The following KLRD1 variants were observed in gnomAD, a reference collection of about 807,000 sequenced individuals.
The protein encoded by KLRD1 is killer cell lectin like receptor D1.
Under a neutral mutation model 22.6 loss-of-function variants are expected in KLRD1, and 21 were observed. The observed-to-expected ratio is 0.93, with a 90% CI of 0.66 to 1.34. KLRD1 has a LOEUF of 1.34. Ranked by LOEUF, KLRD1 falls within the 40% of genes most tolerant of loss-of-function variation. KLRD1 has a pLI of 0.00. For synonymous variants in KLRD1, 59 were observed against 71.1 expected, an observed-to-expected ratio of 0.83 and a Z score of 0.85; for missense variants, 183 against 208.6, an observed-to-expected ratio of 0.88 and a Z score of 0.76.
intron 1 of KLRD1, among the ~76,000 whole-genome samples, chr12:10,246,356 A>C (rs1251860660): frequency 6.8e-6 from 1 of 146,496 alleles, no homozygotes; most frequent in Non-Finnish European, 1.5e-5. Context: ...CTACATTTTT[A>C]AGGAACTCAG....
rs372207930 is a variant in KLRD1, at chr12:10,263,022, C to A, written c.-101+36789C>A. Among the ~76,000 whole-genome samples the A allele has an allele frequency of 2.0e-5, 3 of 152,134 alleles. No individual in the cohort carries two copies. In the East Asian group the frequency reaches 5.8e-4, roughly 29 times the overall value. ...CTATTTTTGCAGCAAACACCTTAGA[C>A]GTAGTGTACGTCTAATCAGTCACAA... On this transcript the variant is annotated intron_variant, in intron 1 of 5. Transcript: ENST00000544747.
chr12:10,256,940 A>G (rs1949401725), intron 1 of KLRD1, among the ~76,000 whole-genome samples: 1 of 151,644 alleles, frequency 6.6e-6, no homozygotes, highest in African/African-American at 2.4e-5. Flanking sequence ...CTTTAATTTC[A>G]CCCTCATTTT....
chr12:10,284,021 CAAAA>C (rs10706142), intron 1 of KLRD1, among the ~76,000 whole-genome samples: 13 of 129,372 alleles, frequency 1.0e-4, no homozygotes, highest in East Asian at 4.4e-4. Flanking sequence ...ATTAAAAATA[CAAAA>C]AAAAAAAAAA....
chr12:10,254,546 G>C (rs2927559), intron 1 of KLRD1, among the ~76,000 whole-genome samples: 1 of 151,152 alleles, frequency 6.6e-6, no homozygotes, highest in Non-Finnish European at 1.5e-5. Flanking sequence ...CCAGCATCTC[G>C]AAGGAACTTA....
Position 10,314,845 on chromosome 12 carries a change from A to G in KLRD1, c.*52A>G, listed in dbSNP as rs775682516. 6.6e-6 allele frequency: 10 copies of G among 1,509,098 alleles called. No homozygotes were observed. In the African/African-American group the frequency reaches 1.4e-4, roughly 21 times the overall value. The allele number at this position is 1,509,098 out of a possible 1,614,324, so 93.5% of individuals were successfully genotyped here. A position where few individuals can be genotyped will look rare whatever the true frequency, so the allele number is the denominator to read the frequency against. On this transcript the variant is annotated 3_prime_UTR_variant, in exon 6 of 6. Transcript: ENST00000336164. ...GAGTAAAGACCCAACATTACTAACA[A>G]TGATACAGTTGCATGTTATATTATT...
In KLRD1 at chr12:10,315,889, G is replaced by C. The variant is rs367818343; in HGVS notation, c.*1096G>C. On this transcript the variant is annotated 3_prime_UTR_variant, in exon 6 of 6. Transcript: ENST00000336164. The stretch of plus-strand genomic sequence containing the variant: ...TCGCAGCACTTTGGGAGGCCAAGGC[G>C]GGTGGATCACTTGAGGTCAGGAGTT... 1 of 151,936 alleles carries C rather than the reference G, an allele frequency of 6.6e-6. No homozygotes were observed. The highest frequency in any genetic ancestry group is 2.4e-5 in the African/African-American group (1 of 41,380). 9.4% of individuals were successfully genotyped at this position (151,936 alleles called of 1,614,324 possible). A position where few individuals can be genotyped will look rare whatever the true frequency, so the allele number is the denominator to read the frequency against.
intron 1 of KLRD1, among the ~76,000 whole-genome samples, chr12:10,256,042 C>A (rs963836576): frequency 6.6e-6 from 1 of 151,836 alleles, no homozygotes; most frequent in African/African-American, 2.4e-5. Flanking sequence ...GTGATTTATT[C>A]TTGAGGAATT....
At chr12:10,284,148 T>G (rs193097213) in intron 1 of KLRD1, among the ~76,000 whole-genome samples, 2 of 152,090 alleles carry the variant, frequency 1.3e-5, no homozygotes, top group African/African-American at 4.8e-5. Context: ...ATCGCACCAG[T>G]GCACTCCAGC....
At chr12:10,312,102 G>C (rs1390674865) in intron 4 of KLRD1, among the ~76,000 whole-genome samples, 2 of 148,812 alleles carry the variant, frequency 1.3e-5, no homozygotes, top group African/African-American at 5.0e-5. Context: ...GCCCAGGCTG[G>C]AGTGCACTGG....
intron 1 of KLRD1, chr12:10,308,747 T>C (rs1949982183): frequency 6.5e-6 from 1 of 153,266 alleles, no homozygotes; most frequent in African/African-American, 2.4e-5. Context: ...TGTCTTCTTT[T>C]CCCTATAATA....
intron 1 of KLRD1, among the ~76,000 whole-genome samples, chr12:10,239,465 C>CTTTCCTTATT (rs1949216064): frequency 2.4e-5 from 1 of 41,450 alleles, no homozygotes; most frequent in East Asian, 1.0e-3. Context: ...TTCCTTCCTT[C>CTTTCCTTATT]CTTCCTTCCT....
rs1344044547 is a variant in KLRD1, at chr12:10,316,457, C to T, written c.*1664C>T. 6.6e-6 allele frequency: 1 copy of T among 151,954 alleles called. No homozygotes were observed. Among genetic ancestry groups the T allele is most frequent in the Non-Finnish European group, 1.5e-5 (1 of 68,004 alleles). The allele number at this position is 151,954 out of a possible 1,614,324, so 9.4% of individuals were successfully genotyped here. Reference sequence around the variant, plus strand: ...CATTCCCATTGCCCAGGCTGTAGTGCAATGATGCAATCATGGTTCACTGCA... The same window carrying T: ...CATTCCCATTGCCCAGGCTGTAGTGTAATGATGCAATCATGGTTCACTGCA... On this transcript the variant is annotated 3_prime_UTR_variant, in exon 6 of 6. Coordinates refer to ENST00000336164, the MANE Select transcript of KLRD1 (RefSeq NM_002262.5).
At chr12:10,257,838 C>T (rs1344862579) in intron 1 of KLRD1, among the ~76,000 whole-genome samples, 1 of 152,020 alleles carries the variant, frequency 6.6e-6, no homozygotes, top group African/African-American at 2.4e-5. Flanking sequence ...ACAGCTACCT[C>T]TCCCAGTCTT....
chr12:10,274,194 C>T (rs1014279809), intron 1 of KLRD1, among the ~76,000 whole-genome samples: 13 of 152,166 alleles, frequency 8.5e-5, no homozygotes, highest in South Asian at 4.2e-4. Context: ...GCAGGAGAAT[C>T]GCTTGAACCC....
At chr12:10,293,182 A>ATATATATATATATATATATATAT (rs1290502685) in intron 1 of KLRD1, among the ~76,000 whole-genome samples, 1 of 135,830 alleles carries the variant, frequency 7.4e-6, no homozygotes, top group African/African-American at 2.6e-5. Context: ...ATATACACAT[A>ATATATATATATATATATATATAT]ATTCGCATGC....
At position 10,308,046 on chromosome 12, in the gene KLRD1, T is replaced by C; in HGVS notation, c.-32T>C. The C allele has an allele frequency of 6.2e-7, 1 of 1,606,134 alleles. No homozygotes were observed. Reference sequence around the variant, plus strand: ...TTTCTGAAAAAGTACACATCGTGCCTTCTCTACTTCGCTCTTGGAACATAA... The same window carrying C: ...TTTCTGAAAAAGTACACATCGTGCCCTCTCTACTTCGCTCTTGGAACATAA... On this transcript the variant is annotated 5_prime_UTR_variant, in exon 1 of 6. Transcript: ENST00000336164.
chr12:10,246,933 C>CTTTTTTT (rs71049075), intron 1 of KLRD1, among the ~76,000 whole-genome samples: 4 of 58,370 alleles, frequency 6.9e-5, no homozygotes, highest in African/African-American at 9.9e-5. Flanking sequence ...CTTTTCTTTT[C>CTTTTTTT]TTTTTTTTTT....
At chr12:10,289,167 T>G (rs1223899661) in intron 1 of KLRD1, among the ~76,000 whole-genome samples, 1 of 152,196 alleles carries the variant, frequency 6.6e-6, no homozygotes, top group Non-Finnish European at 1.5e-5. Context: ...ACCAATATGT[T>G]GACTTTGGTT....
In KLRD1 at chr12:10,327,614, G is replaced by A. The variant is rs1224109319; in HGVS notation, c.*12821G>A. 6.6e-6 allele frequency: 1 copy of A among 152,168 alleles called. No individual in the cohort carries two copies. The highest frequency in any genetic ancestry group is 6.5e-5 in the Admixed American group (1 of 15,268). The allele number at this position is 152,168 out of a possible 1,614,324, so 9.4% of individuals were successfully genotyped here. A position where few individuals can be genotyped will look rare whatever the true frequency, so the allele number is the denominator to read the frequency against. Reference sequence around the variant, plus strand: ...TGTGGATTCTTTAGAGCATGCCATAGGCAAACAGGGACCATTGTACTTCTT... The same window carrying A: ...TGTGGATTCTTTAGAGCATGCCATAAGCAAACAGGGACCATTGTACTTCTT... On this transcript the variant is annotated 3_prime_UTR_variant, in exon 6 of 6. Coordinates refer to ENST00000336164, the MANE Select transcript of KLRD1 (RefSeq NM_002262.5).
Sources: gnomAD v4.1 joint callset for allele counts (sites outside exome capture counted in the v4.1 genomes callset) on GRCh38, gnomAD v4.1.1 for gene constraint, MANE v1.5 for transcripts, NCBI Gene and HGNC (gene_info 2026-07-23, HGNC 2026-07-21) for gene names.